The following PRDM16 variants were observed in gnomAD, a reference collection of about 807,000 sequenced individuals.
PRDM16 encodes the protein histone-lysine N-methyltransferase PRDM16.
A neutral mutation model predicts 110.6 loss-of-function variants in PRDM16; 23 were observed. The ratio of observed to expected loss-of-function variants is 0.21; its 90% CI spans 0.15 to 0.29. The LOEUF (loss-of-function observed/expected upper bound fraction) is 0.29, where lower values mean the gene tolerates loss of function less well. Among genes scored for constraint, PRDM16 ranks in the 10% least tolerant of loss-of-function variants. The probability of loss-of-function intolerance (pLI) is 1.00; values close to 1 mark genes in which losing one functional copy is unlikely to be tolerated. For missense variants in PRDM16, 1,615 were observed against 1,794.3 expected (o/e 0.90, Z 1.81); for synonymous variants, 799 against 781.8 (o/e 1.02, Z -0.37).
At chr1:3,103,588 G>T (rs550769652) in intron 1 of PRDM16, among the ~76,000 whole-genome samples, 1 of 152,332 alleles carries the variant, frequency 6.6e-6, no homozygotes, top group Admixed American at 6.5e-5. Context: ...CCCCTGAGGG[G>T]TGGTGCAGAA....
chr1:3,070,493 G>C (rs1641724163), intron 1 of PRDM16, among the ~76,000 whole-genome samples: 2 of 150,028 alleles, frequency 1.3e-5, no homozygotes, highest in African/African-American at 4.8e-5. Context: ...CGCGCGGAGC[G>C]GAATCGGCGC....
At chr1:3,341,624 G>A (rs1326382992) in intron 3 of PRDM16, among the ~76,000 whole-genome samples, 2 of 152,246 alleles carry the variant, frequency 1.3e-5, no homozygotes, top group African/African-American at 4.8e-5. Flanking sequence ...AGGAATGTTT[G>A]GCTTTACGAC....
chr1:3,269,817 A>ACAGT, intron 3 of PRDM16, among the ~76,000 whole-genome samples: 1 of 104,942 alleles, frequency 9.5e-6, no homozygotes, highest in South Asian at 2.8e-4. Context: ...CCAGAGAATG[A>ACAGT]CAGGGAGGAG....
At chr1:3,326,932 C>T (rs1641926084) in intron 3 of PRDM16, among the ~76,000 whole-genome samples, 1 of 152,214 alleles carries the variant, frequency 6.6e-6, no homozygotes, top group African/African-American at 2.4e-5. Context: ...CTACAGGAAT[C>T]AGCTTTCAGG....
In PRDM16 at chr1:3,412,358, T is replaced by A. The variant is rs2100664195; in HGVS notation, c.2161T>A (p.Tyr721Asn). Residue 721 changes from tyrosine to asparagine, a missense_variant, in exon 9 of 17, where the codon TAC (tyrosine) becomes AAC (asparagine). Coordinates refer to ENST00000270722, the MANE Select transcript of PRDM16 (RefSeq NM_022114.4). Reference protein sequence around the residue: ...MQEKKLGSLPYHSAFPFQFLP... With the variant: ...MQEKKLGSLPNHSAFPFQFLP... ...GGAGAAGAAGCTGGGCTCGCTCCCC[T>A]ACCACTCGGCGTTCCCCTTCCAGTT... 6.2e-7 allele frequency: 1 copy of A among 1,613,594 alleles called. No individual in the cohort carries two copies. The highest frequency in any genetic ancestry group is 8.5e-7 in the Non-Finnish European group (1 of 1,180,000).
intron 16 of PRDM16, 89 bp downstream of exon 16, chr1:3,432,229 A>G (rs1638788799): frequency 2.5e-6 from 3 of 1,216,296 alleles, no homozygotes; most frequent in Non-Finnish European, 3.5e-6. Context: ...TGGCCCTCCT[A>G]GGCCTGAGGA....
rs868001346 is a variant in PRDM16 at position 3,175,855 on chromosome 1, C to T, written c.38-10270C>T. Among the ~76,000 whole-genome samples, 23 of 152,308 alleles carry T rather than the reference C, an allele frequency of 1.5e-4. No homozygotes were observed. The highest frequency in any genetic ancestry group is 5.3e-4 in the African/African-American group (22 of 41,556). ...AGGAGCCAGGGTTGTGTTAATGGAGCTTCACGGCTAGGGAAGGAAAGTCAG... is the reference window on the plus strand; with the variant it reads ...AGGAGCCAGGGTTGTGTTAATGGAGTTTCACGGCTAGGGAAGGAAAGTCAG... On this transcript the variant is annotated intron_variant, in intron 1 of 16. Transcript: ENST00000270722. This position sits in a 1 kb window ranked among gnomAD's most constrained non-coding sequence, Gnocchi z 4.8.
chr1:3,276,786 C>T (rs1640595434), intron 3 of PRDM16, among the ~76,000 whole-genome samples: 1 of 144,646 alleles, frequency 6.9e-6, no homozygotes, highest in African/African-American at 2.8e-5. Context: ...TTGTAAATCA[C>T]CCCTTTGCCC....
chr1:3,304,466 A>G (rs1006626045), intron 3 of PRDM16, among the ~76,000 whole-genome samples: 1 of 152,238 alleles, frequency 6.6e-6, no homozygotes, highest in Non-Finnish European at 1.5e-5. Flanking sequence ...TATACGAACA[A>G]TGAAAGCCTG....
At chr1:3,423,414 T>C (rs189211026) in intron 12 of PRDM16, among the ~76,000 whole-genome samples, 1 of 152,216 alleles carries the variant, frequency 6.6e-6, no homozygotes, top group East Asian at 1.9e-4. Context: ...GGTGTGTTGA[T>C]GGCAGGTCAG....
At chr1:3,088,440 A>G (rs1642198779) in intron 1 of PRDM16, among the ~76,000 whole-genome samples, 2 of 140,878 alleles carry the variant, frequency 1.4e-5, no homozygotes, top group African/African-American at 5.4e-5. Flanking sequence ...AGATGCAGGG[A>G]TTCTTTTATT....
intron 1 of PRDM16, among the ~76,000 whole-genome samples, chr1:3,176,152 TATCC>T (rs145743378): frequency 0.024 from 2,209 of 90,690 alleles, 4 homozygotes; most frequent in Admixed American, 0.031. Context: ...CTCATTCATC[TATCC>T]ATCCATCCAT....
chr1:3,415,972 A>G (rs1368895845), intron 10 of PRDM16, among the ~76,000 whole-genome samples: 1 of 152,218 alleles, frequency 6.6e-6, no homozygotes, highest in East Asian at 1.9e-4. Context: ...TTGATGGCTC[A>G]GGGAGCAAGG....
intron 1 of PRDM16, among the ~76,000 whole-genome samples, chr1:3,114,191 A>ACGCACGCGCACGCG (rs1553127270): frequency 1.5e-5 from 2 of 131,798 alleles, no homozygotes; most frequent in South Asian, 2.5e-4. Context: ...ACACGCACAC[A>ACGCACGCGCACGCG]CGCACACGCA....
intron 1 of PRDM16, among the ~76,000 whole-genome samples, chr1:3,166,291 C>T (rs990637053): frequency 6.6e-6 from 1 of 152,264 alleles, no homozygotes; most frequent in Non-Finnish European, 1.5e-5. Flanking sequence ...TGGTGGTGGG[C>T]GTTCTGCGGA....
rs1569631546 is a variant in PRDM16, at chr1:3,128,682, C to T, written c.38-57443C>T. On this transcript the variant is annotated intron_variant, in intron 1 of 16. Transcript: ENST00000270722. ...CTGCCCTGTTCCTCCCACCATGCTA[C>T]TGGAGACCATCCCACCATGCTACTG... Among the ~76,000 whole-genome samples, 3 of 62,800 alleles carry T rather than the reference C, an allele frequency of 4.8e-5. No homozygotes were observed. The Middle Eastern group carries it at 0.029, about 604-fold the overall frequency. 41.2% of individuals were successfully genotyped at this position (62,800 alleles called of 152,430 possible).
intron 1 of PRDM16, among the ~76,000 whole-genome samples, chr1:3,172,922 A>G (rs566971204): frequency 3.3e-5 from 5 of 152,358 alleles, no homozygotes; most frequent in South Asian, 2.1e-4. Context: ...GCGCTGAACA[A>G]TGACTGAAAT....
At chr1:3,223,000 A>G (rs979405638) in intron 2 of PRDM16, among the ~76,000 whole-genome samples, 5 of 151,582 alleles carry the variant, frequency 3.3e-5, no homozygotes, top group African/African-American at 7.3e-5. Flanking sequence ...ACTCCCAGAC[A>G]TGAGCGTGCG....
intron 1 of PRDM16, among the ~76,000 whole-genome samples, chr1:3,126,240 CCGCCGCCG>C (rs1643204087): frequency 2.0e-5 from 3 of 152,196 alleles, no homozygotes; most frequent in Admixed American, 2.0e-4. Context: ...GCAGCTCTCG[CCGCCGCCG>C]CACGCGGCCA....
Sources: allele counts gnomAD v4.1 joint callset (sites outside exome capture counted in the v4.1 genomes callset), GRCh38; gene constraint gnomAD v4.1.1; non-coding constraint Gnocchi (gnomAD v3.1); transcripts MANE v1.5; gene names NCBI Gene and HGNC (gene_info 2026-07-23, HGNC 2026-07-21).